Variants in SUGCT observed in about 807,000 individuals in gnomAD.
SUGCT encodes the protein succinyl-CoA:glutarate-CoA transferase, also known as succinyl-CoA:glutarate CoA-transferase.
In SUGCT, 41 loss-of-function variants were observed where a neutral mutation model predicts 55.0. The ratio of observed to expected loss-of-function variants is 0.74; its 90% CI spans 0.58 to 0.97. SUGCT has a LOEUF of 0.97. SUGCT is among the 50% of genes least tolerant of loss of function. The probability of loss-of-function intolerance (pLI) is 0.00; values close to 1 mark genes in which losing one functional copy is unlikely to be tolerated. For synonymous variants in SUGCT, 187 were observed against 200.4 expected (o/e 0.93, Z 0.56); for missense variants, 568 against 547.8 (o/e 1.04, Z -0.37).
At chr7:40,569,262 T>C (rs1434763661) in intron 12 of SUGCT, among the ~76,000 whole-genome samples, 1 of 152,180 alleles carries the variant, frequency 6.6e-6, no homozygotes, top group East Asian at 1.9e-4. Flanking sequence ...CTCAAGTCTC[T>C]CCTTTCCATC....
chr7:40,651,617 A>G (rs1366088089), intron 12 of SUGCT, among the ~76,000 whole-genome samples: 1 of 152,104 alleles, frequency 6.6e-6, no homozygotes, highest in Non-Finnish European at 1.5e-5. Context: ...CTGCTTACAC[A>G]TGACTTTCTT....
At chr7:40,832,314 C>T (rs1792715693) in intron 13 of SUGCT, among the ~76,000 whole-genome samples, 1 of 152,094 alleles carries the variant, frequency 6.6e-6, no homozygotes, top group South Asian at 2.1e-4. Context: ...AAATAATTAT[C>T]CTCCATCCTA....
chr7:40,857,111 T>C (rs1794214388), intron 13 of SUGCT, among the ~76,000 whole-genome samples: 2 of 152,166 alleles, frequency 1.3e-5, no homozygotes, highest in Admixed American at 6.6e-5. Flanking sequence ...GATGGGAACA[T>C]AGATGTTAGT....
the SUGCT span, among the ~76,000 whole-genome samples, chr7:41,020,168 C>T: frequency 6.6e-6 from 1 of 152,148 alleles, no homozygotes; most frequent in African/African-American, 2.4e-5. Context: ...TACCAGGTCC[C>T]ACAAAATATC....
chr7:40,964,036 G>C, the SUGCT span, among the ~76,000 whole-genome samples: 1 of 152,094 alleles, frequency 6.6e-6, no homozygotes, highest in Non-Finnish European at 1.5e-5. Context: ...ATTGAACATT[G>C]GTATTTAGAA....
At chr7:40,141,444 C>G (rs1330796128) in intron 1 of SUGCT, among the ~76,000 whole-genome samples, 1 of 151,816 alleles carries the variant, frequency 6.6e-6, no homozygotes, top group Admixed American at 6.6e-5. Context: ...ACCAGCCTGG[C>G]CAACATAGTG....
At chr7:40,687,749 C>T (rs1160919291) in intron 12 of SUGCT, among the ~76,000 whole-genome samples, 2 of 152,160 alleles carry the variant, frequency 1.3e-5, no homozygotes. Context: ...AAGCACTAGC[C>T]TCTATTTTTA....
intron 12 of SUGCT, among the ~76,000 whole-genome samples, chr7:40,626,293 G>C (rs1799524008): frequency 6.6e-6 from 1 of 150,704 alleles, no homozygotes; most frequent in Non-Finnish European, 1.5e-5. Context: ...GTCTCACTCT[G>C]TCACCCAGGC....
chr7:40,694,769 C>A (rs1784849968), intron 12 of SUGCT, among the ~76,000 whole-genome samples: 1 of 152,146 alleles, frequency 6.6e-6, no homozygotes, highest in Non-Finnish European at 1.5e-5. Flanking sequence ...ACAATTCTTG[C>A]CATCAGTAGT....
the SUGCT span, among the ~76,000 whole-genome samples, chr7:40,918,641 T>A: frequency 6.6e-6 from 1 of 152,078 alleles, no homozygotes; most frequent in African/African-American, 2.4e-5. Context: ...TGGAACCCAC[T>A]GAGTGAGACC....
rs576624909 is a variant in SUGCT at position 40,491,726 on chromosome 7, C to T, written c.987-4558C>T. Reference sequence around the variant, plus strand: ...CAAGGGAGGGCCGGGTGTGGTGGCTCATGCCTGTAATTCCAGCACTTTGGG... The same window carrying T: ...CAAGGGAGGGCCGGGTGTGGTGGCTTATGCCTGTAATTCCAGCACTTTGGG... On this transcript the variant is annotated intron_variant, in intron 11 of 13. Coordinates refer to ENST00000335693, the MANE Select transcript of SUGCT (RefSeq NM_001193313.2). Among the ~76,000 whole-genome samples the T allele has an allele frequency of 8.6e-4, 131 of 152,000 alleles. 1 individual carries two copies. The highest frequency in any genetic ancestry group is 3.1e-3 in the African/African-American group (130 of 41,494).
At chr7:40,282,132 G>C (rs1792991249) in intron 8 of SUGCT, among the ~76,000 whole-genome samples, 1 of 151,922 alleles carries the variant, frequency 6.6e-6, no homozygotes, top group Non-Finnish European at 1.5e-5. Flanking sequence ...TTATTGGAGA[G>C]ACTGTACTTT....
intron 9 of SUGCT, among the ~76,000 whole-genome samples, chr7:40,419,543 G>C (rs1005663307): frequency 6.6e-6 from 1 of 152,166 alleles, no homozygotes; most frequent in Non-Finnish European, 1.5e-5. Context: ...AGTTCAGTCT[G>C]CAGTTTGGGT....
chr7:40,623,187 C>G (rs1477887365), intron 12 of SUGCT, among the ~76,000 whole-genome samples: 1 of 152,198 alleles, frequency 6.6e-6, no homozygotes, highest in African/African-American at 2.4e-5. Context: ...TTTTAACTCT[C>G]TTTCTCCATT....
chr7:40,728,421 A>C (rs1462040960), intron 12 of SUGCT, among the ~76,000 whole-genome samples: 1 of 152,208 alleles, frequency 6.6e-6, no homozygotes, highest in Admixed American at 6.5e-5. Flanking sequence ...TGGGAGGCTG[A>C]GGCAGGAGAA....
chr7:40,757,468 T>C (rs1167544208), intron 13 of SUGCT, among the ~76,000 whole-genome samples: 2 of 152,206 alleles, frequency 1.3e-5, no homozygotes, highest in African/African-American at 2.4e-5. Context: ...TAGACCCTAG[T>C]GGGCTTCCCG....
the SUGCT span, among the ~76,000 whole-genome samples, chr7:40,914,100 A>C: frequency 2.3e-4 from 35 of 151,674 alleles, no homozygotes; most frequent in Admixed American, 7.9e-4. Flanking sequence ...AGCTCAGACA[A>C]CACCACTTCT....
At chr7:40,319,230 C>A in intron 9 of SUGCT, among the ~76,000 whole-genome samples, 1 of 152,074 alleles carries the variant, frequency 6.6e-6, no homozygotes, top group East Asian at 1.9e-4. Flanking sequence ...TCCTCAAGAG[C>A]CCAGAATTAA....
In SUGCT at chr7:40,806,165, T is replaced by C. The variant is rs148016174; in HGVS notation, c.1154-54151T>C. 4.3e-3 allele frequency among the ~76,000 whole-genome samples: 660 copies of C among 152,278 alleles called. 6 individuals are homozygous for C. Among genetic ancestry groups the C allele is most frequent in the African/African-American group, 0.015 (615 of 41,560 alleles). ...TAGGGCTAGATATTCTGTAATAAGTTCCTGCTTTTAAAAAGGGGCGATGTC... is the reference window on the plus strand; with the variant it reads ...TAGGGCTAGATATTCTGTAATAAGTCCCTGCTTTTAAAAAGGGGCGATGTC... On this transcript the variant is annotated intron_variant, in intron 13 of 13. Transcript: ENST00000335693.
Sources: allele counts gnomAD v4.1 joint callset (sites outside exome capture counted in the v4.1 genomes callset), GRCh38; gene constraint gnomAD v4.1.1; transcripts MANE v1.5; gene names NCBI Gene and HGNC (gene_info 2026-07-23, HGNC 2026-07-21).